SYT1: variants seen among roughly 807,000 people sequenced by gnomAD.
SYT1 encodes the protein synaptotagmin 1, also known as synaptotagmin-1.
A neutral mutation model predicts 44.8 loss-of-function variants in SYT1; 8 were observed. The observed-to-expected ratio is 0.18, with a 90% CI of 0.10 to 0.32. The LOEUF is 0.32. SYT1 is among the 10% of genes least tolerant of loss of function. The pLI, the probability that SYT1 is intolerant of heterozygous loss-of-function variation, is 1.00. For missense variants in SYT1, 286 were observed against 509.3 expected (o/e 0.56, Z 4.22); for synonymous variants, 154 against 188.8 (o/e 0.82, Z 1.51).
At chr12:78,997,934 A>G (rs1262368060) in intron 2 of SYT1, among the ~76,000 whole-genome samples, 4 of 152,134 alleles carry the variant, frequency 2.6e-5, no homozygotes, top group African/African-American at 4.8e-5. Context: ...AAATGACTTT[A>G]CAAAAGCTCT....
chr12:79,150,098 T>C (rs957520070), intron 3 of SYT1, among the ~76,000 whole-genome samples: 1 of 152,212 alleles, frequency 6.6e-6, no homozygotes, highest in Non-Finnish European at 1.5e-5. Flanking sequence ...CAACATGGTA[T>C]AATTAAATCA....
chr12:79,135,656 A>G (rs1869141513), intron 3 of SYT1, among the ~76,000 whole-genome samples: 1 of 152,224 alleles, frequency 6.6e-6, no homozygotes, highest in Non-Finnish European at 1.5e-5. Context: ...GTGATGAGGA[A>G]GAATGACAGA....
chr12:79,213,649 G>A (rs903341941), intron 3 of SYT1, among the ~76,000 whole-genome samples: 8 of 152,334 alleles, frequency 5.3e-5, no homozygotes, highest in African/African-American at 1.7e-4. Flanking sequence ...CAGGCTGGGC[G>A]CCTGATGGCT....
intron 2 of SYT1, among the ~76,000 whole-genome samples, chr12:79,018,058 T>TTTATTGCG (rs11281240): frequency 0.078 from 11,868 of 151,908 alleles, 599 homozygotes; most frequent in East Asian, 0.14. Flanking sequence ...TTAAAAATTG[T>TTTATTGCG]GCACTGTTCA....
intron 2 of SYT1, among the ~76,000 whole-genome samples, chr12:79,027,149 C>T (rs1872586382): frequency 6.6e-6 from 1 of 151,542 alleles, no homozygotes; most frequent in African/African-American, 2.4e-5. Context: ...CAGCTCTCTC[C>T]ACCTTCTCTC....
chr12:79,318,014 T>C (rs1881179089), intron 8 of SYT1, among the ~76,000 whole-genome samples: 1 of 152,182 alleles, frequency 6.6e-6, no homozygotes, highest in Admixed American at 6.5e-5. Context: ...TGCCCCAAAT[T>C]TAAAAATTTT....
chr12:79,135,619 T>C (rs984837283), intron 3 of SYT1, among the ~76,000 whole-genome samples: 1 of 152,176 alleles, frequency 6.6e-6, no homozygotes, highest in Non-Finnish European at 1.5e-5. Flanking sequence ...TGGATACTTG[T>C]AAAGTAGGTT....
intron 2 of SYT1, among the ~76,000 whole-genome samples, chr12:79,025,194 C>G (rs934674904): frequency 6.6e-5 from 10 of 151,730 alleles, no homozygotes; most frequent in Non-Finnish European, 1.2e-4. Context: ...ATTAAACACT[C>G]AAGCCTGAAT....
chr12:79,201,394 A>C (rs1170872476), intron 3 of SYT1, among the ~76,000 whole-genome samples: 1 of 152,210 alleles, frequency 6.6e-6, no homozygotes, highest in African/African-American at 2.4e-5. Context: ...TTCATCAAGA[A>C]ATTGACAAAA....
At chr12:79,126,650 C>T (rs1868463229) in intron 3 of SYT1, among the ~76,000 whole-genome samples, 1 of 152,042 alleles carries the variant, frequency 6.6e-6, no homozygotes. Flanking sequence ...GTCAAATAAC[C>T]CCATTTAAAG....
chr12:79,272,091 G>A (rs1878457251), intron 4 of SYT1, among the ~76,000 whole-genome samples: 1 of 152,172 alleles, frequency 6.6e-6, no homozygotes, highest in South Asian at 2.1e-4. Flanking sequence ...TGAAAAGGAA[G>A]TATTATTTAA....
intron 9 of SYT1, among the ~76,000 whole-genome samples, chr12:79,387,839 C>T (rs1039644264): frequency 6.6e-6 from 1 of 152,112 alleles, no homozygotes; most frequent in African/African-American, 2.4e-5. Context: ...ATAACATTCC[C>T]AGTAGATGGT....
At chr12:79,232,477 G>A (rs78146555) in intron 4 of SYT1, among the ~76,000 whole-genome samples, 2,278 of 152,020 alleles carry the variant, frequency 0.015, 39 homozygotes, top group African/African-American at 0.046. Context: ...TTTCTTCCAG[G>A]TCTTTATACA....
chr12:79,299,264 A>G (rs1371409916), intron 7 of SYT1, 120 bp from the exon 8 acceptor site: 2 of 1,154,622 alleles, frequency 1.7e-6, no homozygotes, highest in Non-Finnish European at 2.4e-6. Context: ...ATAACCAAAA[A>G]CAAAATTATC....
intron 8 of SYT1, among the ~76,000 whole-genome samples, chr12:79,335,649 C>T (rs1394358040): frequency 1.3e-5 from 2 of 152,182 alleles, no homozygotes; most frequent in African/African-American, 4.8e-5. Context: ...TACCAACACA[C>T]ACACATACCC....
intron 5 of SYT1, among the ~76,000 whole-genome samples, chr12:79,287,090 T>A (rs1033257511): frequency 5.9e-5 from 9 of 152,122 alleles, no homozygotes; most frequent in African/African-American, 1.9e-4. Context: ...GGACATTAAC[T>A]CCCCTTCCCA....
At chr12:79,166,906 T>C (rs1249833863) in intron 3 of SYT1, among the ~76,000 whole-genome samples, 1 of 152,052 alleles carries the variant, frequency 6.6e-6, no homozygotes, top group African/African-American at 2.4e-5. Flanking sequence ...TGTCATACTT[T>C]TTACATGTAA....
intron 3 of SYT1, among the ~76,000 whole-genome samples, chr12:79,072,123 C>A (rs1441592364): frequency 6.6e-6 from 1 of 152,062 alleles, no homozygotes; most frequent in Non-Finnish European, 1.5e-5. Flanking sequence ...TGTAGAATTT[C>A]TTATTCTGTC....
chr12:79,424,833 TG>T (rs1275751699), intron 9 of SYT1, among the ~76,000 whole-genome samples: 9 of 151,998 alleles, frequency 5.9e-5, no homozygotes, highest in Non-Finnish European at 1.0e-4. Context: ...CCTAGTGTTT[TG>T]TTTTTTTTTT....
Sources: allele counts gnomAD v4.1 joint callset (sites outside exome capture counted in the v4.1 genomes callset), GRCh38; gene constraint gnomAD v4.1.1; transcripts MANE v1.5; gene names NCBI Gene and HGNC (gene_info 2026-07-23, HGNC 2026-07-21).